Variants in TMEM74 observed in about 807,000 individuals in gnomAD.
The protein encoded by TMEM74 is transmembrane protein 74.
In TMEM74, 13 loss-of-function variants were observed where a neutral mutation model predicts 18.1. The ratio of observed to expected loss-of-function variants is 0.72; its 90% confidence interval spans 0.47 to 1.14. The LOEUF (loss-of-function observed/expected upper bound fraction) is 1.14. Among genes scored for constraint, TMEM74 ranks in the 50% most tolerant of loss-of-function variants. The probability of loss-of-function intolerance (pLI) is 0.00; values close to 1 mark genes in which losing one functional copy is unlikely to be tolerated. For synonymous variants in TMEM74, 159 were observed against 146.6 expected, an observed-to-expected ratio of 1.08 and a Z score of -0.61; for missense variants, 372 against 375.9, an observed-to-expected ratio of 0.99 and a Z score of 0.09.
chr8:108,770,958 G>A (rs1327535922), intron 1 of TMEM74, among the ~76,000 whole-genome samples: 6 of 152,090 alleles, frequency 3.9e-5, no homozygotes, highest in Admixed American at 3.9e-4. Flanking sequence ...TGGTCTCACT[G>A]AGAAGGTCCC....
Position 108,769,064 on chromosome 8 carries a change from A to G in TMEM74, n.119+18412T>C, listed in dbSNP as rs573744434. Reference sequence around the variant, plus strand: ...ACGCCTATAATCCTAGCACTTTGGGAGGCCGAGGTGGGTGGATCACTTGAG... The same window carrying G: ...ACGCCTATAATCCTAGCACTTTGGGGGGCCGAGGTGGGTGGATCACTTGAG... On this transcript the variant is annotated intron_variant and non_coding_transcript_variant, in intron 1 of 3. Transcript: ENST00000518838. 2.6e-3 allele frequency among the ~76,000 whole-genome samples: 397 copies of G among 152,064 alleles called. 1 individual carries two copies. Among genetic ancestry groups the G allele is most frequent in the African/African-American group, 8.7e-3 (362 of 41,478 alleles).
chr8:108,695,574 C>G (rs919157261), intron 1 of TMEM74, among the ~76,000 whole-genome samples: 2 of 152,038 alleles, frequency 1.3e-5, no homozygotes, highest in African/African-American at 2.4e-5. Flanking sequence ...CGTGATCCAC[C>G]CTTAGCCTAG....
chr8:108,767,870 CG>C (rs201234056), intron 1 of TMEM74, among the ~76,000 whole-genome samples: 1,865 of 151,522 alleles, frequency 0.012, 24 homozygotes, highest in Non-Finnish European at 0.018. Flanking sequence ...GACCATATAC[CG>C]TTTTTTTTCA....
chr8:108,647,868 A>G (rs1812735754), intron 2 of TMEM74, among the ~76,000 whole-genome samples: 1 of 152,086 alleles, frequency 6.6e-6, no homozygotes, highest in African/African-American at 2.4e-5. Flanking sequence ...AAAATAAAGC[A>G]CCAGGAACAC....
chr8:108,675,118 T>A (rs1181219119), intron 1 of TMEM74, among the ~76,000 whole-genome samples: 1 of 152,190 alleles, frequency 6.6e-6, no homozygotes, highest in African/African-American at 2.4e-5. Flanking sequence ...GTTTTATATG[T>A]TTCCTAGAGT....
At chr8:108,739,352 A>T (rs751668604) in intron 1 of TMEM74, among the ~76,000 whole-genome samples, 2 of 152,144 alleles carry the variant, frequency 1.3e-5, no homozygotes, top group African/African-American at 2.4e-5. Flanking sequence ...ATTTGTGATA[A>T]CGCTTCTGTA....
chr8:108,648,689 A>C (rs1236684229), intron 2 of TMEM74, among the ~76,000 whole-genome samples: 2 of 152,062 alleles, frequency 1.3e-5, no homozygotes, highest in Non-Finnish European at 2.9e-5. Flanking sequence ...AGATGGAGGG[A>C]GGAGTCATGA....
chr8:108,688,230 A>G (rs940771623), intron 1 of TMEM74, among the ~76,000 whole-genome samples: 5 of 152,332 alleles, frequency 3.3e-5, no homozygotes, highest in East Asian at 3.9e-4. Context: ...TCTGAAGTCA[A>G]TTTGACATTA....
At chr8:108,656,227 G>C (rs574766778) in intron 1 of TMEM74, among the ~76,000 whole-genome samples, 2 of 152,178 alleles carry the variant, frequency 1.3e-5, no homozygotes, top group Non-Finnish European at 2.9e-5. Flanking sequence ...CAGAGAATCT[G>C]CTCTAGTGGA....
At chr8:108,654,817 T>A (rs78208866) in intron 2 of TMEM74, among the ~76,000 whole-genome samples, 2,521 of 152,180 alleles carry the variant, frequency 0.017, 27 homozygotes, top group Middle Eastern at 0.044. Context: ...CCCTCCAGGA[T>A]GCCTTTGATA....
chr8:108,730,006 T>C (rs1287052707), intron 1 of TMEM74, among the ~76,000 whole-genome samples: 1 of 152,206 alleles, frequency 6.6e-6, no homozygotes, highest in African/African-American at 2.4e-5. Context: ...TAACTAGGTT[T>C]TCAAAGAGTC....
chr8:108,739,246 A>C (rs1813775744), intron 1 of TMEM74, among the ~76,000 whole-genome samples: 1 of 152,236 alleles, frequency 6.6e-6, no homozygotes, highest in South Asian at 2.1e-4. Context: ...GAATCCTAGA[A>C]TAGATACTGA....
At chr8:108,750,940 C>A (rs1202691025) in intron 1 of TMEM74, among the ~76,000 whole-genome samples, 1 of 152,106 alleles carries the variant, frequency 6.6e-6, no homozygotes, top group Non-Finnish European at 1.5e-5. Flanking sequence ...AACTTCCACT[C>A]CTGCTCTCAA....
chr8:108,707,672 C>T (rs1183380761), intron 1 of TMEM74, among the ~76,000 whole-genome samples: 1 of 152,152 alleles, frequency 6.6e-6, no homozygotes, highest in East Asian at 1.9e-4. Flanking sequence ...CCTTACTTTA[C>T]ATCGCACACA....
At chr8:108,670,677 A>G (rs1298146403) in intron 1 of TMEM74, among the ~76,000 whole-genome samples, 2 of 152,152 alleles carry the variant, frequency 1.3e-5, no homozygotes, top group Admixed American at 6.5e-5. Context: ...TCTTTGTGGA[A>G]AGTCAGGATA....
At chr8:108,718,005 C>A (rs1269322515) in intron 1 of TMEM74, among the ~76,000 whole-genome samples, 1 of 53,790 alleles carries the variant, frequency 1.9e-5, no homozygotes, top group Non-Finnish European at 2.5e-5. Context: ...GTCACCCAGG[C>A]TGGAGTGCAG....
chr8:108,784,917 C>G lies in TMEM74; in HGVS notation c.182G>C (p.Ser61Thr), dbSNP rs773853968. Residue 61 changes from serine (S) to threonine (T), a missense_variant, in exon 2 of 2, where the codon AGT (serine) becomes ACT (threonine). Coordinates refer to ENST00000297459, the MANE Select transcript of TMEM74 (RefSeq NM_153015.3). ...GGAGGAGGGGGATGCTGGAGAAGAA[C>G]TAAGTTTAGACCCTTCCATCTCGGT... ...RATEMEGSKL[S>T]SSPASPSSSL... 1 of 1,614,146 alleles carries G rather than the reference C, an allele frequency of 6.2e-7. No individual in the cohort carries two copies. Among genetic ancestry groups the G allele is most frequent in the South Asian group, 1.1e-5 (1 of 91,068 alleles).
At chr8:108,694,286 C>A (rs1305905678) in intron 1 of TMEM74, among the ~76,000 whole-genome samples, 1 of 151,968 alleles carries the variant, frequency 6.6e-6, no homozygotes, top group African/African-American at 2.4e-5. Flanking sequence ...GATGAATAAA[C>A]AAGTGTGATA....
chr8:108,630,377 G>A (rs900024943), intron 2 of TMEM74, among the ~76,000 whole-genome samples: 14 of 151,918 alleles, frequency 9.2e-5, no homozygotes, highest in African/African-American at 1.4e-4. Context: ...CACAATAATA[G>A]TGGGAGACTT....
Sources: gnomAD v4.1 joint callset for allele counts (sites outside exome capture counted in the v4.1 genomes callset) on GRCh38, gnomAD v4.1.1 for gene constraint, MANE v1.5 for transcripts, NCBI Gene and HGNC (gene_info 2026-07-23, HGNC 2026-07-21) for gene names.